The following THAP12 variants were observed in gnomAD, a reference collection of about 807,000 sequenced individuals.
The protein encoded by THAP12 is THAP domain containing 12.
Under a neutral mutation model 63.0 loss-of-function variants are expected in THAP12, and 20 were observed. The observed-to-expected ratio is 0.32, with a 90% CI of 0.22 to 0.46. The LOEUF (loss-of-function observed/expected upper bound fraction) is 0.46, where lower values mean the gene tolerates loss of function less well. Ranked by LOEUF, THAP12 falls within the 20% of genes least tolerant of loss-of-function variation. The pLI is 1.00. For synonymous variants in THAP12, 264 were observed against 328.4 expected (o/e 0.80, Z 2.12); for missense variants, 568 against 908.2 (o/e 0.63, Z 4.81).
intron 1 of THAP12, among the ~76,000 whole-genome samples, chr11:76,373,713 C>T (rs1216553472): frequency 6.6e-5 from 2 of 30,132 alleles, no homozygotes; most frequent in African/African-American, 1.8e-4. Context: ...CAGAGTAAGA[C>T]CCCTCAAAAA....
Position 76,361,031 on chromosome 11 carries a change from T to C in THAP12, c.243A>G (p.Ala81=), listed in dbSNP as rs2134504580. The change falls in exon 3 of 5, where the codon GCA becomes GCG. Residue 81 remains alanine, a synonymous_variant. Coordinates refer to ENST00000260045, the MANE Select transcript of THAP12 (RefSeq NM_004705.4). ...TGGTAAGATCAAATATTGTTGGTAT[T>C]GCATTATCTCGAAGAACTGTCCTAT... ...SPYRTVLRDN[A]IPTIFDLTSH... The C allele has an allele frequency of 1.9e-6, 3 of 1,611,104 alleles. No individual in the cohort carries two copies. The highest frequency in any genetic ancestry group is 1.7e-6 in the Non-Finnish European group (2 of 1,178,706).
At chr11:76,363,491 G>C (rs778303096) in intron 2 of THAP12, among the ~76,000 whole-genome samples, 1 of 152,092 alleles carries the variant, frequency 6.6e-6, no homozygotes, top group Non-Finnish European at 1.5e-5. Context: ...CTACAGACAC[G>C]TGCCACTGTG....
intron 2 of THAP12, among the ~76,000 whole-genome samples, chr11:76,361,720 A>G (rs1202312759): frequency 1.3e-5 from 2 of 152,230 alleles, no homozygotes; most frequent in Non-Finnish European, 2.9e-5. Flanking sequence ...TTATATTACC[A>G]TCTGTATTTT....
rs565862325 is a variant in THAP12 at position 76,374,588 on chromosome 11, GAAT to G, written c.89+6157_89+6159del. On this transcript the variant is annotated intron_variant, in intron 1 of 4. Coordinates refer to ENST00000260045, the MANE Select transcript of THAP12 (RefSeq NM_004705.4). ...AAATGTCTACTGAACACTCAGATCTGAATAATATTTAGAAAATTCTAGAAAACA... is the reference window on the plus strand; with the variant it reads ...AAATGTCTACTGAACACTCAGATCTGAATATTTAGAAAATTCTAGAAAACA... 3.3e-3 allele frequency among the ~76,000 whole-genome samples: 502 copies of G among 152,182 alleles called. 2 individuals are homozygous for G. The highest frequency in any genetic ancestry group is 6.8e-3 in the Middle Eastern group (2 of 294).
chr11:76,371,185 G>A (rs1465576294), intron 1 of THAP12, among the ~76,000 whole-genome samples: 1 of 151,766 alleles, frequency 6.6e-6, no homozygotes, highest in Non-Finnish European at 1.5e-5. Flanking sequence ...GTGCTGCAGA[G>A]CATTTTTTAA....
At chr11:76,354,337 C>A (rs1167870929) in intron 4 of THAP12, among the ~76,000 whole-genome samples, 2 of 152,192 alleles carry the variant, frequency 1.3e-5, no homozygotes, top group Non-Finnish European at 2.9e-5. Context: ...ACTAGGGAGG[C>A]TTCCCAAGCC....
intron 3 of THAP12, among the ~76,000 whole-genome samples, chr11:76,360,179 T>A (rs1449613751): frequency 2.0e-5 from 3 of 152,102 alleles, no homozygotes; most frequent in Non-Finnish European, 4.4e-5. Context: ...AATAGAAAGG[T>A]AAGCATAGAA....
rs375196452 is a variant in THAP12 at position 76,376,615 on chromosome 11, G to GTTTTTTTT, written c.89+4125_89+4132dup. ...TCTTCGAATGCTAAATTGTGTCTAT[G>GTTTTTTTT]TTTTTTTTGTTTTTTTTTTTTTTTC... On this transcript the variant is annotated intron_variant, in intron 1 of 4. Coordinates refer to ENST00000260045, the MANE Select transcript of THAP12 (RefSeq NM_004705.4). Among the ~76,000 whole-genome samples the GTTTTTTTT allele has an allele frequency of 4.0e-4, 51 of 127,764 alleles. 1 individual carries two copies. Among genetic ancestry groups the GTTTTTTTT allele is most frequent in the East Asian group, 7.0e-4 (3 of 4,274 alleles). 83.8% of individuals were successfully genotyped at this position (127,764 alleles called of 152,430 possible).
intron 1 of THAP12, among the ~76,000 whole-genome samples, chr11:76,370,952 C>T (rs1278354314): frequency 1.3e-5 from 2 of 151,800 alleles, no homozygotes; most frequent in African/African-American, 4.8e-5. Context: ...ATACTCGTCT[C>T]AAATTTTTAC....
chr11:76,376,815 T>C (rs1253196105), intron 1 of THAP12, among the ~76,000 whole-genome samples: 1 of 152,004 alleles, frequency 6.6e-6, no homozygotes, highest in Non-Finnish European at 1.5e-5. Flanking sequence ...AGGAGTGTAG[T>C]CAAAACAGGA....
intron 1 of THAP12, among the ~76,000 whole-genome samples, chr11:76,380,446 G>C (rs923830446): frequency 6.6e-6 from 1 of 152,218 alleles, no homozygotes; most frequent in Non-Finnish European, 1.5e-5. Context: ...CACAGCAAGT[G>C]AGCCACGGCG....
chr11:76,377,881 C>A (rs979148580), intron 1 of THAP12, among the ~76,000 whole-genome samples: 9 of 152,160 alleles, frequency 5.9e-5, no homozygotes, highest in African/African-American at 1.9e-4. Flanking sequence ...CCATTTATAT[C>A]TTCTGTTTAA....
chr11:76,374,554 T>C (rs1201278345), intron 1 of THAP12, among the ~76,000 whole-genome samples: 1 of 152,196 alleles, frequency 6.6e-6, no homozygotes, highest in African/African-American at 2.4e-5. Context: ...GGCTTGTTTA[T>C]TTCTGAGAAA....
In THAP12 at chr11:76,365,940, G is replaced by A. The variant is rs1482321651; in HGVS notation, c.122C>T (p.Ala41Val). The A allele has an allele frequency of 1.2e-6, 2 of 1,613,238 alleles. No individual in the cohort carries two copies. The highest frequency in any genetic ancestry group is 4.5e-5 in the East Asian group (2 of 44,852). ...ATCAGGTGTTTTATCTTCTAAGTCTGCTCTCCTACAGTTCTCCACCCACTT... is the reference window on the plus strand; with the variant it reads ...ATCAGGTGTTTTATCTTCTAAGTCTACTCTCCTACAGTTCTCCACCCACTT... Reference protein sequence around the residue: ...CQKWVENCRRADLEDKTPDQL... With the variant: ...CQKWVENCRRVDLEDKTPDQL... Residue 41 changes from alanine to valine, a missense_variant, in exon 2 of 5, where the codon GCA becomes GTA. Coordinates refer to ENST00000260045, the MANE Select transcript of THAP12 (RefSeq NM_004705.4).
At chr11:76,362,016 A>G (rs1451697189) in intron 2 of THAP12, among the ~76,000 whole-genome samples, 1 of 152,144 alleles carries the variant, frequency 6.6e-6, no homozygotes, top group Non-Finnish European at 1.5e-5. Flanking sequence ...ACTCTACCCT[A>G]CTTCCTGTTA....
chr11:76,370,387 G>A (rs139524505), intron 1 of THAP12, among the ~76,000 whole-genome samples: 11 of 151,992 alleles, frequency 7.2e-5, no homozygotes, highest in Admixed American at 2.0e-4. Flanking sequence ...TTGAGAGAGA[G>A]GATCTCACTC....
rs182887187 is a variant in THAP12 at position 76,365,811 on chromosome 11, T to C, written c.210+41A>G. 2.5e-5 allele frequency: 40 copies of C among 1,591,872 alleles called. No individual in the cohort carries two copies. The African/African-American group carries it at 3.1e-4, about 12-fold the overall frequency. On this transcript the variant is annotated intron_variant, in intron 2 of 4. Coordinates refer to ENST00000260045, the MANE Select transcript of THAP12 (RefSeq NM_004705.4). ...AACCAGACACAGTGAGAGAGAGAAA[T>C]CAAGTCAAACAGAGAGACACCAAGC...
chr11:76,366,508 C>T (rs746462677), intron 1 of THAP12, among the ~76,000 whole-genome samples: 56 of 152,080 alleles, frequency 3.7e-4, no homozygotes, highest in Non-Finnish European at 6.9e-4. Context: ...GGTGAAACCC[C>T]GTCTCTACTA....
At chr11:76,375,077 G>T (rs150769585) in intron 1 of THAP12, among the ~76,000 whole-genome samples, 2 of 152,288 alleles carry the variant, frequency 1.3e-5, no homozygotes, top group East Asian at 3.9e-4. Context: ...TGTTATAACA[G>T]CCCAAACAGG....
Sources: allele counts gnomAD v4.1 joint callset (sites outside exome capture counted in the v4.1 genomes callset), GRCh38; gene constraint gnomAD v4.1.1; transcripts MANE v1.5; gene names NCBI Gene and HGNC (gene_info 2026-07-23, HGNC 2026-07-21).